Variants in TYW1B observed in about 807,000 individuals in gnomAD.
The protein encoded by TYW1B is tRNA-yW synthesizing protein 1 homolog B, also known as S-adenosyl-L-methionine-dependent tRNA 4-demethylwyosine synthase TYW1B.
In TYW1B, 73 loss-of-function variants were observed where a neutral mutation model predicts 86.9. That is an observed-to-expected ratio of 0.84 (90% CI 0.70 to 1.02). TYW1B has a LOEUF of 1.02. Ranked by LOEUF, TYW1B falls within the 50% of genes least tolerant of loss-of-function variation. The pLI is 0.00. For synonymous variants in TYW1B, 248 were observed against 292.8 expected, an observed-to-expected ratio of 0.85 and a Z score of 1.56; for missense variants, 637 against 827.4, an observed-to-expected ratio of 0.77 and a Z score of 2.82.
intron 3 of TYW1B, among the ~76,000 whole-genome samples, chr7:72,813,428 G>A (rs1288849095): frequency 2.0e-5 from 3 of 152,076 alleles, no homozygotes; most frequent in South Asian, 2.1e-4. Context: ...CACCTACCTC[G>A]GACTCCCAAA....
rs1271748704 is a variant in TYW1B, at chr7:72,587,448, TG to T, written c.1786-11730del. ...GAGTTTTTAAGGACAACTTGGTGGG[TG>T]GGGGGAAGCCAGTGAGCCAGGAGTG... On this transcript the variant is annotated intron_variant, in intron 13 of 13. Transcript: ENST00000620995. Among the ~76,000 whole-genome samples the T allele has an allele frequency of 2.6e-5, 4 of 152,048 alleles. No homozygotes were observed. The East Asian group carries it at 7.7e-4, about 29-fold the overall frequency.
At chr7:72,685,520 C>A (rs1813989785) in intron 11 of TYW1B, among the ~76,000 whole-genome samples, 1 of 152,092 alleles carries the variant, frequency 6.6e-6, no homozygotes, top group South Asian at 2.1e-4. Context: ...ATGTAGTCAA[C>A]TGATCTTTAG....
At chr7:72,739,846 T>G in intron 8 of TYW1B, among the ~76,000 whole-genome samples, 2 of 135,042 alleles carry the variant, frequency 1.5e-5, no homozygotes, top group East Asian at 2.1e-4. Flanking sequence ...CTAGGAAGAG[T>G]CTAAACTTTC....
chr7:72,753,906 G>C (rs1787544561), intron 7 of TYW1B, among the ~76,000 whole-genome samples: 1 of 151,936 alleles, frequency 6.6e-6, no homozygotes, highest in Non-Finnish European at 1.5e-5. Flanking sequence ...GACTTTTATA[G>C]GCAATGGGAA....
intron 12 of TYW1B, among the ~76,000 whole-genome samples, chr7:72,621,298 G>C (rs1398857274): frequency 6.6e-6 from 1 of 152,132 alleles, no homozygotes; most frequent in East Asian, 1.9e-4. Context: ...CTTCATAAAT[G>C]ATTTTTTTTT....
At chr7:72,662,542 C>G (rs1212536465) in intron 11 of TYW1B, among the ~76,000 whole-genome samples, 1 of 152,016 alleles carries the variant, frequency 6.6e-6, no homozygotes, top group East Asian at 1.9e-4. Flanking sequence ...GATTCTAAAA[C>G]TGGTAGAGAA....
intron 13 of TYW1B, among the ~76,000 whole-genome samples, chr7:72,590,868 A>ATCTAG (rs1242903453): frequency 5.9e-5 from 9 of 152,218 alleles, no homozygotes; most frequent in Non-Finnish European, 1.0e-4. Context: ...GAAAGGGTAG[A>ATCTAG]TGGCAGATCC....
At chr7:72,728,008 A>G (rs1313054782) in intron 9 of TYW1B, among the ~76,000 whole-genome samples, 11 of 152,156 alleles carry the variant, frequency 7.2e-5, no homozygotes, top group Admixed American at 2.0e-4. Flanking sequence ...TTAAATCAGG[A>G]AATTCAAAAA....
chr7:72,690,312 A>G lies in TYW1B; in HGVS notation c.1506+4375T>C, dbSNP rs76327293. ...GATATATTTCTCTTTTTTTAAAAAA[A>G]GGACTGTTTGACAAGTAGCTATCGT... On this transcript the variant is annotated intron_variant, in intron 11 of 13. Coordinates refer to ENST00000620995, the MANE Select transcript of TYW1B (RefSeq NM_001145440.3). Among the ~76,000 whole-genome samples the G allele has an allele frequency of 1.1e-4, 17 of 152,042 alleles. No individual in the cohort carries two copies. In the East Asian group the frequency reaches 2.7e-3, roughly 24 times the overall value.
At chr7:72,657,472 A>C (rs1813232416) in intron 11 of TYW1B, among the ~76,000 whole-genome samples, 1 of 152,170 alleles carries the variant, frequency 6.6e-6, no homozygotes, top group South Asian at 2.1e-4. Context: ...TGAGAGAGAG[A>C]TATAGATAAC....
At chr7:72,810,068 A>C (rs1171303051) in intron 4 of TYW1B, among the ~76,000 whole-genome samples, 3 of 151,182 alleles carry the variant, frequency 2.0e-5, no homozygotes, top group African/African-American at 7.3e-5. Flanking sequence ...ACATGAGGCC[A>C]GGAGTTCACA....
chr7:72,742,630 AAT>A (rs1257314735), intron 8 of TYW1B, among the ~76,000 whole-genome samples: 1 of 152,188 alleles, frequency 6.6e-6, no homozygotes, highest in African/African-American at 2.4e-5. Flanking sequence ...ATCAATTCAA[AAT>A]AGTGTTACTA....
At chr7:72,640,717 G>A (rs1178413656) in intron 11 of TYW1B, among the ~76,000 whole-genome samples, 1 of 152,056 alleles carries the variant, frequency 6.6e-6, no homozygotes, top group Admixed American at 6.5e-5. Flanking sequence ...AATTAACATA[G>A]CCATAGTCAC....
At chr7:72,811,212 AGT>A (rs1387105056) in intron 3 of TYW1B, among the ~76,000 whole-genome samples, 1 of 148,824 alleles carries the variant, frequency 6.7e-6, no homozygotes, top group East Asian at 2.0e-4. Flanking sequence ...CAGAGCTTGT[AGT>A]GAGCCGAGAT....
rs34495662 is a variant in TYW1B, at chr7:72,691,845, G to A, written c.1506+2842C>T. Among the ~76,000 whole-genome samples the A allele has an allele frequency of 2.6e-3, 399 of 152,146 alleles. 7 individuals carry two copies. Among genetic ancestry groups the A allele is most frequent in the Non-Finnish European group, 6.8e-4 (46 of 68,012 alleles). ...AAAAGAAACCCACAAAGACTTAATC[G>A]GCTGGACAACTGGTAAAACACATAT... On this transcript the variant is annotated intron_variant, in intron 11 of 13. Transcript: ENST00000620995.
intron 11 of TYW1B, among the ~76,000 whole-genome samples, chr7:72,636,123 T>A (rs1812662305): frequency 6.6e-6 from 1 of 152,250 alleles, no homozygotes; most frequent in African/African-American, 2.4e-5. Flanking sequence ...TGATATTTTA[T>A]AGTTTTCAAT....
At chr7:72,632,332 T>C (rs1441990308) in intron 11 of TYW1B, among the ~76,000 whole-genome samples, 7 of 111,578 alleles carry the variant, frequency 6.3e-5, no homozygotes, top group African/African-American at 2.4e-4. Flanking sequence ...TATATATATA[T>C]ACACGTATAT....
At chr7:72,685,222 T>C (rs1240764721) in intron 11 of TYW1B, among the ~76,000 whole-genome samples, 3 of 151,306 alleles carry the variant, frequency 2.0e-5, no homozygotes, top group Non-Finnish European at 2.9e-5. Context: ...AGTAGACCTA[T>C]ATTACAAACT....
At chr7:72,723,170 A>T in intron 9 of TYW1B, 126 of 327,802 alleles carry the variant, frequency 3.8e-4, no homozygotes, top group Middle Eastern at 9.9e-4. Context: ...AGGGGTGGCG[A>T]GGGAGGGGTT....
Sources: gnomAD v4.1 joint callset for allele counts (sites outside exome capture counted in the v4.1 genomes callset) on GRCh38, gnomAD v4.1.1 for gene constraint, MANE v1.5 for transcripts, NCBI Gene and HGNC (gene_info 2026-07-23, HGNC 2026-07-21) for gene names.